ARHGAP20: variants seen among roughly 807,000 people sequenced by gnomAD.
ARHGAP20 encodes the protein rho GTPase-activating protein 20.
Under a neutral mutation model 73.7 loss-of-function variants are expected in ARHGAP20, and 34 were observed. That is an observed-to-expected ratio of 0.46 (90% CI 0.35 to 0.61). The LOEUF (loss-of-function observed/expected upper bound fraction) is 0.61. Ranked by LOEUF, ARHGAP20 falls within the 20% of genes least tolerant of loss-of-function variation. ARHGAP20 has a pLI of 0.00. For synonymous variants in ARHGAP20, 523 were observed against 518.2 expected (o/e 1.01, Z -0.13); for missense variants, 1,314 against 1,420.9 (o/e 0.92, Z 1.21).
In ARHGAP20 at chr11:110,712,111, C is replaced by T. The variant is rs7112669; in HGVS notation, c.105+16G>A. 2 of 1,311,804 alleles carry T rather than the reference C, an allele frequency of 1.5e-6. No homozygotes were observed. Among genetic ancestry groups the T allele is most frequent in the Non-Finnish European group, 9.8e-7 (1 of 1,025,404 alleles). The allele number at this position is 1,311,804 out of a possible 1,614,324, so 81.3% of individuals were successfully genotyped here. A position where few individuals can be genotyped will look rare whatever the true frequency, so the allele number is the denominator to read the frequency against. On this transcript the variant is annotated intron_variant, in intron 1 of 14. Coordinates refer to ENST00000683387, the MANE Select transcript of ARHGAP20 (RefSeq NM_001384657.1). ...TGCGGCGGCGGAGGGCACGGGCCCC[C>T]GCTCAGCGTCCTCACCTTCTTGGTG...
chr11:110,661,082 T>G (rs979343138), intron 2 of ARHGAP20, among the ~76,000 whole-genome samples: 1 of 152,224 alleles, frequency 6.6e-6, no homozygotes, highest in Non-Finnish European at 1.5e-5. Context: ...ACTTAAAAGT[T>G]ATTCCATCTG....
intron 9 of ARHGAP20, among the ~76,000 whole-genome samples, chr11:110,596,789 G>T (rs1458046713): frequency 1.3e-5 from 2 of 152,116 alleles, no homozygotes; most frequent in Non-Finnish European, 2.9e-5. Flanking sequence ...TCCCGTTACT[G>T]GGTATATACC....
chr11:110,590,904 G>T, intron 10 of ARHGAP20, 95 bp from the exon 11 acceptor site: 1 of 1,272,484 alleles, frequency 7.9e-7, no homozygotes, highest in Non-Finnish European at 1.1e-6. Flanking sequence ...GCTAGGGTGC[G>T]CTAGGGTAAA....
Position 110,579,200 on chromosome 11 carries a change from TATTTGTCAAGTAGTCTCAATAAAGAGA to T in ARHGAP20, c.*143_*169del. 1 of 1,309,674 alleles carries T rather than the reference TATTTGTCAAGTAGTCTCAATAAAGAGA, an allele frequency of 7.6e-7. No homozygotes were observed. Among genetic ancestry groups the T allele is most frequent in the Non-Finnish European group, 9.7e-7 (1 of 1,027,606 alleles). 81.1% of individuals were successfully genotyped at this position (1,309,674 alleles called of 1,614,324 possible). A position where few individuals can be genotyped will look rare whatever the true frequency, so the allele number is the denominator to read the frequency against. ...AGGTGACAAAATTTTTAGCATAAAG[TATTTGTCAAGTAGTCTCAATAAAGAGA>T]ATTATTTCGTTGTCCTAAGTATTAG... is the stretch of plus-strand genomic sequence containing the variant. On this transcript the variant is annotated 3_prime_UTR_variant, in exon 15 of 15. Coordinates refer to ENST00000683387, the MANE Select transcript of ARHGAP20 (RefSeq NM_001384657.1).
At chr11:110,581,578 A>G (rs1249452959) in intron 14 of ARHGAP20, among the ~76,000 whole-genome samples, 3 of 152,240 alleles carry the variant, frequency 2.0e-5, no homozygotes, top group African/African-American at 7.2e-5. Flanking sequence ...GCTAGTGGTT[A>G]TACATACTTA....
In ARHGAP20 at chr11:110,627,316, C is replaced by T. The variant is rs191538615; in HGVS notation, c.354-3005G>A. 8.5e-3 allele frequency among the ~76,000 whole-genome samples: 1,297 copies of T among 152,278 alleles called. 3 individuals are homozygous for T. The highest frequency in any genetic ancestry group is 0.014 in the Non-Finnish European group (960 of 68,018). ...CCATGTTGGCCAGGCTGGTCTCGAA[C>T]TCCTGACCTCAGGTGATCTGTCTGC... On this transcript the variant is annotated intron_variant, in intron 3 of 14. Transcript: ENST00000683387.
chr11:110,621,508 A>G (rs989964169), intron 4 of ARHGAP20, among the ~76,000 whole-genome samples: 2 of 152,092 alleles, frequency 1.3e-5, no homozygotes, highest in Admixed American at 1.3e-4. Context: ...CTTCAAGTTC[A>G]CCAAATCCTC....
intron 11 of ARHGAP20, among the ~76,000 whole-genome samples, chr11:110,587,760 A>G (rs543998637): frequency 2.1e-5 from 3 of 144,942 alleles, no homozygotes; most frequent in African/African-American, 7.5e-5. Flanking sequence ...CTTTATTACT[A>G]TCCTTTTTTT....
rs763146450 is a variant in ARHGAP20, at chr11:110,583,638, A to G, written c.1515T>C (p.Thr505=). Residue 505 remains threonine, a synonymous_variant, in exon 13 of 15, where the codon ACT becomes ACC. Coordinates refer to ENST00000683387, the MANE Select transcript of ARHGAP20 (RefSeq NM_001384657.1). ...CGACACACACAGCTAAATTAAATGC[A>G]GTCATCTGATTGGATGAGGAATGTT... ...IEQHSSSNQM[T]AFNLAVCVAP... is the part of the protein sequence containing the mutation. 6.8e-6 allele frequency: 11 copies of G among 1,613,474 alleles called. 1 individual carries two copies. In the South Asian group the frequency reaches 1.2e-4, roughly 18 times the overall value.
intron 2 of ARHGAP20, among the ~76,000 whole-genome samples, chr11:110,652,390 G>T (rs1949375819): frequency 1.3e-5 from 2 of 151,990 alleles, no homozygotes; most frequent in African/African-American, 4.8e-5. Flanking sequence ...TGGCCAGGGT[G>T]ATCAGGCAAG....
chr11:110,582,479 T>C (rs200140961), intron 13 of ARHGAP20, 44 bp from the exon 14 acceptor site: 155 of 1,260,316 alleles, frequency 1.2e-4, no homozygotes, highest in Middle Eastern at 1.1e-3. Flanking sequence ...TCATATTACA[T>C]GTTTATAAAT....
Position 110,712,263 on chromosome 11 carries a change from G to A in ARHGAP20, c.-32C>T, listed in dbSNP as rs1421411151. 2 of 1,308,166 alleles carry A rather than the reference G, an allele frequency of 1.5e-6. No individual in the cohort carries two copies. The highest frequency in any genetic ancestry group is 1.5e-5 in the African/African-American group (1 of 65,226). 81.0% of individuals were successfully genotyped at this position (1,308,166 alleles called of 1,614,324 possible). A position where few individuals can be genotyped will look rare whatever the true frequency, so the allele number is the denominator to read the frequency against. On this transcript the variant is annotated 5_prime_UTR_variant, in exon 1 of 15. Transcript: ENST00000683387. ...AATCTTCAAACAAATCCCAGCCCAG[G>A]AGGAGGCTACACGATCATGTCCGCG...
At chr11:110,643,565 A>G (rs1205948272) in intron 2 of ARHGAP20, among the ~76,000 whole-genome samples, 3 of 152,058 alleles carry the variant, frequency 2.0e-5, no homozygotes, top group Non-Finnish European at 4.4e-5. Context: ...TTTCAATGTA[A>G]TTATGTGGTT....
intron 14 of ARHGAP20, among the ~76,000 whole-genome samples, chr11:110,581,792 G>T (rs566526788): frequency 1.3e-5 from 2 of 152,234 alleles, no homozygotes; most frequent in South Asian, 4.1e-4. Context: ...GATGGCACAA[G>T]GATTCATATT....
chr11:110,691,670 G>C (rs955548203), intron 1 of ARHGAP20, among the ~76,000 whole-genome samples: 2 of 152,126 alleles, frequency 1.3e-5, no homozygotes, highest in Non-Finnish European at 2.9e-5. Context: ...AGTGAGAAGA[G>C]GATGCTAGAC....
chr11:110,610,385 G>T (rs1948338460), intron 7 of ARHGAP20, among the ~76,000 whole-genome samples: 1 of 152,044 alleles, frequency 6.6e-6, no homozygotes, highest in African/African-American at 2.4e-5. Context: ...GATGTAACGT[G>T]ACACATATTT....
chr11:110,652,093 T>A (rs116536791), intron 2 of ARHGAP20, among the ~76,000 whole-genome samples: 1 of 152,154 alleles, frequency 6.6e-6, no homozygotes, highest in African/African-American at 2.4e-5. Flanking sequence ...CATATGCAAA[T>A]TGATAAATGT....
intron 2 of ARHGAP20, among the ~76,000 whole-genome samples, chr11:110,631,106 T>C (rs1546463): frequency 0.032 from 4,869 of 152,280 alleles, 272 homozygotes; most frequent in African/African-American, 0.11. Context: ...CATTTCAGGG[T>C]AAACTACATA....
intron 9 of ARHGAP20, among the ~76,000 whole-genome samples, chr11:110,605,822 C>G (rs1971196): frequency 0.16 from 24,152 of 152,132 alleles, 2,458 homozygotes; most frequent in East Asian, 0.31. Flanking sequence ...CTTTGCAAAA[C>G]GCAAATCCAT....
Sources: allele counts gnomAD v4.1 joint callset (sites outside exome capture counted in the v4.1 genomes callset), GRCh38; gene constraint gnomAD v4.1.1; transcripts MANE v1.5; gene names NCBI Gene and HGNC (gene_info 2026-07-23, HGNC 2026-07-21).